PCDHGA6: variants seen among roughly 807,000 people sequenced by gnomAD.
PCDHGA6 encodes the protein protocadherin gamma-A6.
In PCDHGA6, 41 loss-of-function variants were observed where a neutral mutation model predicts 60.6. The observed-to-expected ratio is 0.68, with a 90% CI of 0.53 to 0.88. The LOEUF (loss-of-function observed/expected upper bound fraction) is 0.88. Among genes scored for constraint, PCDHGA6 ranks in the 40% least tolerant of loss-of-function variants. The pLI is 0.00. For missense variants in PCDHGA6, 1,312 were observed against 1,203.0 expected, an observed-to-expected ratio of 1.09 and a Z score of -1.34; for synonymous variants, 594 against 524.4, an observed-to-expected ratio of 1.13 and a Z score of -1.81.
chr5:141,394,961 G>A, intron 1 of PCDHGA6: 1 of 1,613,920 alleles, frequency 6.2e-7, no homozygotes, highest in Non-Finnish European at 8.5e-7. Flanking sequence ...GGCTCAGGCT[G>A]AGGCGCTGGC....
chr5:141,389,767 G>C, intron 1 of PCDHGA6: 2 of 1,613,028 alleles, frequency 1.2e-6, no homozygotes, highest in Non-Finnish European at 8.5e-7. Context: ...CGCACAGCGC[G>C]TGCCTTAGGC....
At chr5:141,500,450 C>A (rs2099800340) in intron 2 of PCDHGA6, among the ~76,000 whole-genome samples, 1 of 152,072 alleles carries the variant, frequency 6.6e-6, no homozygotes, top group Non-Finnish European at 1.5e-5. Flanking sequence ...ACCTCGTGAT[C>A]CGCCCGCCTC....
At chr5:141,376,677 T>TG in intron 1 of PCDHGA6, 170 bp downstream of exon 1, 1 of 105,326 alleles carries the variant, frequency 9.5e-6, no homozygotes, top group Non-Finnish European at 1.5e-5. Context: ...GAGGGTATCG[T>TG]TTTTTTTTTT....
chr5:141,419,777 C>T (rs976849391), intron 1 of PCDHGA6: 3 of 1,614,054 alleles, frequency 1.9e-6, no homozygotes, highest in Admixed American at 3.3e-5. Flanking sequence ...CTCGGTCCGC[C>T]AGCGCCTGCT....
intron 1 of PCDHGA6, chr5:141,402,985 A>G: frequency 6.2e-7 from 1 of 1,609,390 alleles, no homozygotes; most frequent in Non-Finnish European, 8.5e-7. Context: ...AGCTCCGCGG[A>G]AGATTAGTCC....
rs70988800 is a variant in PCDHGA6 at position 141,379,889 on chromosome 5, CTTTTTTTTTTTTT to C, written c.2424+3400_2424+3412del. Among the ~76,000 whole-genome samples the C allele has an allele frequency of 8.7e-4, 44 of 50,836 alleles. 1 individual carries two copies. The South Asian group carries it at 0.014, about 16-fold the overall frequency. The allele number at this position is 50,836 out of a possible 152,430, so 33.4% of individuals were successfully genotyped here. On this transcript the variant is annotated intron_variant, in intron 1 of 3. Transcript: ENST00000517434. ...CTTATTTTATGGTCTGTGAAAGCCT[CTTTTTTTTTTTTT>C]TTTTTTTTTTTTTTTTTGTCAGAGT...
At position 141,485,968 on chromosome 5, in the gene PCDHGA6, T is replaced by C; in HGVS notation, c.2425-8839T>C. On this transcript the variant is annotated intron_variant, in intron 1 of 3. Coordinates refer to ENST00000517434, the MANE Select transcript of PCDHGA6 (RefSeq NM_018919.3). The surrounding 1 kb of genome is among the most constrained non-coding windows in gnomAD (Gnocchi z 5.7). The stretch of plus-strand genomic sequence containing the variant: ...CGGGCATGGTGCTCATCCAGCTCAA[T>C]GCCTCAGACCCGGACCTGGGTCCCA... 6.2e-7 allele frequency: 1 copy of C among 1,614,216 alleles called. No homozygotes were observed. The highest frequency in any genetic ancestry group is 1.1e-5 in the South Asian group (1 of 91,088).
chr5:141,409,988 G>A (rs373071156), intron 1 of PCDHGA6: 43 of 1,613,160 alleles, frequency 2.7e-5, no homozygotes, highest in African/African-American at 5.3e-5. Context: ...AGCGGTGGAC[G>A]CCGACTCGGG....
chr5:141,477,571 C>A lies in PCDHGA6; in HGVS notation c.2425-17236C>A, dbSNP rs1470454976. ...TAAACCTAAGTGTCTGGGACCCCGA[C>A]GCCCCGCAGAATGCTCGGCTTTCTT... is the stretch of plus-strand genomic sequence containing the variant. On this transcript the variant is annotated intron_variant, in intron 1 of 3. Coordinates refer to ENST00000517434, the MANE Select transcript of PCDHGA6 (RefSeq NM_018919.3). The surrounding 1 kb of genome is among the most constrained non-coding windows in gnomAD (Gnocchi z 4.9). The A allele has an allele frequency of 3.1e-6, 5 of 1,614,042 alleles. No homozygotes were observed. In the South Asian group the frequency reaches 4.4e-5, roughly 14 times the overall value.
chr5:141,404,195 G>A (rs1472875979), intron 1 of PCDHGA6: 1 of 1,613,400 alleles, frequency 6.2e-7, no homozygotes, highest in East Asian at 2.2e-5. Context: ...CCGAGAAAAA[G>A]CCTCAGAATA....
chr5:141,383,310 A>C (rs1779012544), intron 1 of PCDHGA6: 1 of 1,614,004 alleles, frequency 6.2e-7, no homozygotes, highest in Non-Finnish European at 8.5e-7. Context: ...TGACGGAAGA[A>C]ATAAATGTAA....
intron 1 of PCDHGA6, among the ~76,000 whole-genome samples, chr5:141,481,678 G>A (rs1033213047): frequency 6.6e-6 from 1 of 152,006 alleles, no homozygotes; most frequent in African/African-American, 2.4e-5. Flanking sequence ...ATCAGGCCGG[G>A]CCTGGTGGCT....
chr5:141,382,795 T>C, intron 1 of PCDHGA6: 1 of 982,614 alleles, frequency 1.0e-6, no homozygotes, highest in South Asian at 1.7e-5. Flanking sequence ...TCTATCCTGC[T>C]GGATTCTGAG....
At chr5:141,427,923 C>T (rs2097089935) in intron 1 of PCDHGA6, 3 of 1,580,656 alleles carry the variant, frequency 1.9e-6, no homozygotes, top group African/African-American at 1.3e-5. Context: ...CATGAGCCGG[C>T]GCATGTTGGT....
intron 1 of PCDHGA6, among the ~76,000 whole-genome samples, chr5:141,457,912 C>T (rs991917175): frequency 1.3e-5 from 2 of 152,120 alleles, no homozygotes; most frequent in African/African-American, 4.8e-5. Context: ...GGTGTGAGGC[C>T]AGTTCTCCCC....
chr5:141,380,753 C>T (rs976627974), intron 1 of PCDHGA6, among the ~76,000 whole-genome samples: 2 of 152,104 alleles, frequency 1.3e-5, no homozygotes, highest in Non-Finnish European at 2.9e-5. Context: ...GGTACCAAGA[C>T]ACTATAAATT....
At chr5:141,488,525 G>A (rs1040463796) in intron 1 of PCDHGA6, among the ~76,000 whole-genome samples, 1 of 152,182 alleles carries the variant, frequency 6.6e-6, no homozygotes, top group African/African-American at 2.4e-5. Flanking sequence ...TGGGGTGTCA[G>A]AAAAGCTAAG....
At chr5:141,460,961 A>ATG (rs35821115) in intron 1 of PCDHGA6, among the ~76,000 whole-genome samples, 128 of 144,610 alleles carry the variant, frequency 8.9e-4, no homozygotes, top group Middle Eastern at 7.1e-3. Context: ...GTATATATAT[A>ATG]TGTGTGTGTG....
chr5:141,499,457 T>G (rs1000400491), intron 2 of PCDHGA6, among the ~76,000 whole-genome samples: 1 of 152,214 alleles, frequency 6.6e-6, no homozygotes, highest in African/African-American at 2.4e-5. Context: ...CCCATCATTT[T>G]ACAATCTAGG....
Sources: allele counts gnomAD v4.1 joint callset (sites outside exome capture counted in the v4.1 genomes callset), GRCh38; gene constraint gnomAD v4.1.1; non-coding constraint Gnocchi (gnomAD v3.1); transcripts MANE v1.5; gene names NCBI Gene and HGNC (gene_info 2026-07-23, HGNC 2026-07-21).